The following PRSS23 variants were observed in gnomAD, a reference collection of about 807,000 sequenced individuals.
The protein encoded by PRSS23 is serine protease 23.
PRSS23 carries 25 observed loss-of-function variants against 34.7 expected under a neutral mutation model. That is an observed-to-expected ratio of 0.72 (90% CI 0.53 to 1.01). The LOEUF is 1.01. PRSS23 is among the 50% of genes least tolerant of loss of function. The pLI, the probability that PRSS23 is intolerant of heterozygous loss-of-function variation, is 0.00. For missense variants in PRSS23, 445 were observed against 475.6 expected (o/e 0.94, Z 0.60); for synonymous variants, 176 against 186.6 (o/e 0.94, Z 0.46).
At chr11:86,901,224 C>T (rs769960404) in intron 2 of PRSS23, among the ~76,000 whole-genome samples, 2 of 152,118 alleles carry the variant, frequency 1.3e-5, no homozygotes, top group Non-Finnish European at 2.9e-5. Flanking sequence ...GTCTGACACC[C>T]TACACCTGAT....
intron 2 of PRSS23, chr11:86,836,856 A>G (rs564099696): frequency 6.6e-6 from 1 of 152,310 alleles, no homozygotes; most frequent in Non-Finnish European, 1.5e-5. Context: ...AGGATTGAAA[A>G]ATAGAAAACA....
chr11:86,866,402 G>A (rs2134940800), intron 2 of PRSS23, among the ~76,000 whole-genome samples: 2 of 152,256 alleles, frequency 1.3e-5, no homozygotes, highest in South Asian at 4.1e-4. Context: ...AGGGTAAAAT[G>A]ACATTAGGAG....
chr11:86,923,934 A>T (rs2135006477), intron 2 of PRSS23, among the ~76,000 whole-genome samples: 1 of 152,300 alleles, frequency 6.6e-6, no homozygotes, highest in South Asian at 2.1e-4. Context: ...ATTCCCTAAG[A>T]TATATTTCCT....
chr11:86,884,297 G>A (rs549309137), intron 2 of PRSS23, among the ~76,000 whole-genome samples: 57 of 152,176 alleles, frequency 3.7e-4, no homozygotes, highest in African/African-American at 1.3e-3. Context: ...ACTCATATTT[G>A]TTTTTGTTTT....
At chr11:86,925,997 GA>G (rs1010682939) in intron 2 of PRSS23, among the ~76,000 whole-genome samples, 10 of 152,170 alleles carry the variant, frequency 6.6e-5, no homozygotes, top group Admixed American at 1.3e-4. Flanking sequence ...TTTCCCATCA[GA>G]AAGTAAAGAA....
intron 2 of PRSS23, among the ~76,000 whole-genome samples, chr11:86,895,870 G>A (rs1948871934): frequency 6.6e-6 from 1 of 152,130 alleles, no homozygotes; most frequent in African/African-American, 2.4e-5. Context: ...GTCAATTACG[G>A]CCAGATATGA....
At chr11:86,831,445 C>G (rs534491069) in intron 2 of PRSS23, among the ~76,000 whole-genome samples, 16 of 151,676 alleles carry the variant, frequency 1.1e-4, no homozygotes, top group African/African-American at 3.6e-4. Context: ...AGGTGTACCC[C>G]CTGTGAAATT....
intron 2 of PRSS23, among the ~76,000 whole-genome samples, chr11:86,875,232 G>A (rs137988156): frequency 6.6e-6 from 1 of 152,304 alleles, no homozygotes; most frequent in East Asian, 1.9e-4. Flanking sequence ...TTAGCCGGGT[G>A]TGGTGGCGGG....
At chr11:86,926,796 G>A (rs550021966) in intron 2 of PRSS23, among the ~76,000 whole-genome samples, 3 of 152,264 alleles carry the variant, frequency 2.0e-5, no homozygotes, top group African/African-American at 4.8e-5. Flanking sequence ...CTCCATCTAC[G>A]TGGGGCAGCC....
chr11:86,856,722 C>T (rs1341570418), intron 2 of PRSS23, among the ~76,000 whole-genome samples: 1 of 152,144 alleles, frequency 6.6e-6, no homozygotes, highest in Non-Finnish European at 1.5e-5. Flanking sequence ...TCCATAAAGT[C>T]AATTTTCAGG....
At chr11:86,917,173 C>T (rs1047563131) in intron 2 of PRSS23, among the ~76,000 whole-genome samples, 10 of 152,064 alleles carry the variant, frequency 6.6e-5, no homozygotes, top group Admixed American at 4.6e-4. Flanking sequence ...TACAAAATGA[C>T]CCAGGCGTGG....
intron 2 of PRSS23, among the ~76,000 whole-genome samples, chr11:86,834,885 T>G (rs1251486519): frequency 6.6e-6 from 1 of 152,200 alleles, no homozygotes; most frequent in African/African-American, 2.4e-5. Context: ...GGGGATTACT[T>G]TCAAGTATTC....
chr11:86,810,566 G>T lies in PRSS23; in HGVS notation c.*1771G>T, dbSNP rs1022903168. The T allele has an allele frequency of 1.2e-5, 2 of 166,974 alleles. No homozygotes were observed. Among genetic ancestry groups the T allele is most frequent in the African/African-American group, 4.8e-5 (2 of 41,422 alleles). The allele number at this position is 166,974 out of a possible 1,614,324, so 10.3% of individuals were successfully genotyped here. A position where few individuals can be genotyped will look rare whatever the true frequency, so the allele number is the denominator to read the frequency against. On this transcript the variant is annotated 3_prime_UTR_variant, in exon 2 of 2. Coordinates refer to ENST00000280258, the MANE Select transcript of PRSS23 (RefSeq NM_007173.6). Reference sequence around the variant, plus strand: ...AAGGGAGGTCTCCATTTCTATGTCTGGTATTTGGGGGTTTTGTTTGTTTTT... The same window carrying T: ...AAGGGAGGTCTCCATTTCTATGTCTTGTATTTGGGGGTTTTGTTTGTTTTT...
At chr11:86,888,074 A>C (rs1392931372) in intron 2 of PRSS23, among the ~76,000 whole-genome samples, 2 of 151,256 alleles carry the variant, frequency 1.3e-5, no homozygotes, top group East Asian at 1.9e-4. Context: ...CAAAAACAAA[A>C]ACACACACAC....
At chr11:86,861,681 C>A (rs1450328115) in intron 2 of PRSS23, among the ~76,000 whole-genome samples, 1 of 150,186 alleles carries the variant, frequency 6.7e-6, no homozygotes, top group Admixed American at 6.6e-5. Flanking sequence ...TATTTTTATT[C>A]TACCCAAGGG....
Position 86,807,676 on chromosome 11 carries a change from C to T in PRSS23, c.33C>T (p.Leu11=), listed in dbSNP as rs775752649. The change falls in exon 2 of 2, where the codon CTC becomes CTT. Residue 11 remains leucine (L), a synonymous_variant. Coordinates refer to ENST00000280258, the MANE Select transcript of PRSS23 (RefSeq NM_007173.6). The part of the protein sequence containing the change: MAGIPGLLFL[L]FFLLCAVGQV... ...GGATTCCAGGGCTCCTCTTCCTTCT[C>T]TTCTTTCTGCTCTGTGCTGTTGGGC... 6.2e-7 allele frequency: 1 copy of T among 1,613,024 alleles called. No homozygotes were observed. The highest frequency in any genetic ancestry group is 1.1e-5 in the South Asian group (1 of 90,954).
intron 2 of PRSS23, among the ~76,000 whole-genome samples, chr11:86,893,976 T>C (rs1157515322): frequency 6.6e-6 from 1 of 152,152 alleles, no homozygotes; most frequent in Non-Finnish European, 1.5e-5. Context: ...GGGGAATCAA[T>C]TCACTGGACA....
At chr11:86,829,887 A>G (rs1226366938) in intron 2 of PRSS23, among the ~76,000 whole-genome samples, 2 of 152,208 alleles carry the variant, frequency 1.3e-5, no homozygotes, top group East Asian at 1.9e-4. Context: ...GTGAGGTGTC[A>G]GTCTGCCCCT....
intron 2 of PRSS23, among the ~76,000 whole-genome samples, chr11:86,931,755 C>A (rs547175839): frequency 6.6e-6 from 1 of 152,142 alleles, no homozygotes; most frequent in Non-Finnish European, 1.5e-5. Context: ...GACCCACTCA[C>A]CTTGGCCTCC....
Sources: gnomAD v4.1 joint callset for allele counts (sites outside exome capture counted in the v4.1 genomes callset) on GRCh38, gnomAD v4.1.1 for gene constraint, MANE v1.5 for transcripts, NCBI Gene and HGNC (gene_info 2026-07-23, HGNC 2026-07-21) for gene names.